The following ZNF609 variants were observed in gnomAD, a reference collection of about 807,000 sequenced individuals.
ZNF609 encodes zinc finger protein 609.
A neutral mutation model predicts 109.5 loss-of-function variants in ZNF609; 11 were observed. The observed-to-expected ratio is 0.10, with a 90% CI of 0.06 to 0.17. The LOEUF (loss-of-function observed/expected upper bound fraction) is 0.17. Among genes scored for constraint, ZNF609 ranks in the 10% least tolerant of loss-of-function variants. The pLI is 1.00. For missense variants in ZNF609, 1,559 were observed against 1,772.4 expected (o/e 0.88, Z 2.16); for synonymous variants, 646 against 662.0 (o/e 0.98, Z 0.37).
At chr15:64,535,215 A>G (rs534297624) in intron 2 of ZNF609, among the ~76,000 whole-genome samples, 12 of 152,150 alleles carry the variant, frequency 7.9e-5, no homozygotes, top group Non-Finnish European at 1.5e-4. Flanking sequence ...CCCCTGATTA[A>G]TTTTTAAAAT....
chr15:64,547,993 T>C (rs1894396396), intron 2 of ZNF609, among the ~76,000 whole-genome samples: 1 of 152,158 alleles, frequency 6.6e-6, no homozygotes, highest in Non-Finnish European at 1.5e-5. Context: ...TACTAATTCA[T>C]AATTAATTAT....
intron 4 of ZNF609, among the ~76,000 whole-genome samples, chr15:64,672,478 A>T (rs552935785): frequency 2.9e-4 from 44 of 149,998 alleles, no homozygotes; most frequent in African/African-American, 1.0e-3. Flanking sequence ...TACAAAAATT[A>T]GCTGGGCATG....
intron 2 of ZNF609, among the ~76,000 whole-genome samples, chr15:64,545,470 A>C (rs1894342751): frequency 6.6e-6 from 1 of 152,174 alleles, no homozygotes; most frequent in Non-Finnish European, 1.5e-5. Flanking sequence ...AAGTGCTGGG[A>C]TTACGGGCAT....
chr15:64,664,917 G>A (rs1312268001), intron 3 of ZNF609, among the ~76,000 whole-genome samples: 1 of 152,180 alleles, frequency 6.6e-6, no homozygotes, highest in Non-Finnish European at 1.5e-5. Context: ...TTCTAGTTGT[G>A]TGCCTGCTCT....
intron 2 of ZNF609, among the ~76,000 whole-genome samples, chr15:64,514,664 G>A (rs533069266): frequency 6.7e-6 from 1 of 150,010 alleles, no homozygotes; most frequent in African/African-American, 2.5e-5. Context: ...TTGAGACGGA[G>A]TCTCACTCTG....
At chr15:64,532,889 T>C (rs1936926976) in intron 2 of ZNF609, among the ~76,000 whole-genome samples, 1 of 152,156 alleles carries the variant, frequency 6.6e-6, no homozygotes, top group African/African-American at 2.4e-5. Context: ...AATCCACATT[T>C]AATCTCCTTA....
At chr15:64,673,101 A>C (rs1189322192) in intron 4 of ZNF609, among the ~76,000 whole-genome samples, 2 of 152,230 alleles carry the variant, frequency 1.3e-5, no homozygotes, top group East Asian at 3.8e-4. Context: ...CCAGAGAGAT[A>C]GGAGCTGAGT....
chr15:64,600,084 A>G (rs1895468328), intron 2 of ZNF609, among the ~76,000 whole-genome samples: 1 of 152,106 alleles, frequency 6.6e-6, no homozygotes, highest in South Asian at 2.1e-4. Flanking sequence ...ACAGTTTGGG[A>G]GGCCAAGGTG....
chr15:64,600,561 G>A (rs899776114), intron 2 of ZNF609, among the ~76,000 whole-genome samples: 13 of 150,560 alleles, frequency 8.6e-5, no homozygotes, highest in Admixed American at 2.7e-4. Context: ...ACTTAAACCC[G>A]GGAGGCAGAG....
At position 64,680,026 on chromosome 15, in the gene ZNF609, T is replaced by G. The variant is rs142184204; in HGVS notation, c.3770-159T>G. The stretch of plus-strand genomic sequence containing the variant: ...AGCTAATTTTTCCTGTAGAGCTCAG[T>G]AAAGAAAGGTCAAGCCAACAGTCTC... On this transcript the variant is annotated intron_variant, in intron 6 of 9. Coordinates refer to ENST00000326648, the MANE Select transcript of ZNF609 (RefSeq NM_015042.2). Among the ~76,000 whole-genome samples the G allele has an allele frequency of 4.9e-3, 742 of 152,254 alleles. 1 individual carries two copies. Among genetic ancestry groups the G allele is most frequent in the Middle Eastern group, 0.031 (9 of 294 alleles).
At chr15:64,515,114 G>A (rs754522152) in intron 2 of ZNF609, among the ~76,000 whole-genome samples, 5 of 152,090 alleles carry the variant, frequency 3.3e-5, no homozygotes, top group Non-Finnish European at 7.4e-5. Context: ...AAAAGCAGTC[G>A]TTTTCATATG....
At chr15:64,551,392 A>G (rs2140392793) in intron 2 of ZNF609, among the ~76,000 whole-genome samples, 1 of 152,288 alleles carries the variant, frequency 6.6e-6, no homozygotes, top group East Asian at 1.9e-4. Context: ...GCGGTGGCTC[A>G]CGCCTGTAAT....
At chr15:64,483,481 G>T (rs1203810286) in intron 1 of ZNF609, among the ~76,000 whole-genome samples, 1 of 152,064 alleles carries the variant, frequency 6.6e-6, no homozygotes, top group East Asian at 1.9e-4. Context: ...CGACCTCCTG[G>T]GCTCCAGTTA....
intron 2 of ZNF609, among the ~76,000 whole-genome samples, chr15:64,608,327 A>T (rs627101): frequency 6.4e-4 from 97 of 152,076 alleles, no homozygotes; most frequent in African/African-American, 2.3e-3. Flanking sequence ...GTAATACAGT[A>T]CTCTCATGTA....
At chr15:64,595,450 C>G (rs1396820900) in intron 2 of ZNF609, among the ~76,000 whole-genome samples, 1 of 151,458 alleles carries the variant, frequency 6.6e-6, no homozygotes, top group Admixed American at 6.6e-5. Flanking sequence ...CCAGAGAAAA[C>G]ACCAAGAGAG....
chr15:64,484,536 C>T (rs969580520), intron 1 of ZNF609, among the ~76,000 whole-genome samples: 3 of 151,340 alleles, frequency 2.0e-5, no homozygotes, highest in Non-Finnish European at 4.4e-5. Context: ...ATTAGCTGGG[C>T]GTGGTGGCGC....
intron 2 of ZNF609, chr15:64,528,785 G>T: frequency 2.4e-6 from 2 of 838,016 alleles, no homozygotes; most frequent in Non-Finnish European, 4.1e-6. Context: ...GGCTGCCCCA[G>T]CATCGAAGGT....
chr15:64,549,429 G>A (rs1413117446), intron 2 of ZNF609, among the ~76,000 whole-genome samples: 1 of 152,128 alleles, frequency 6.6e-6, no homozygotes, highest in African/African-American at 2.4e-5. Context: ...ACCCACCAAG[G>A]CCTCCCAAAG....
At chr15:64,539,007 G>A (rs1167858507) in intron 2 of ZNF609, among the ~76,000 whole-genome samples, 2 of 151,238 alleles carry the variant, frequency 1.3e-5, no homozygotes, top group Admixed American at 6.6e-5. Flanking sequence ...ACTGGTTTTT[G>A]TACATTTTTC....
Sources: gnomAD v4.1 joint callset for allele counts (sites outside exome capture counted in the v4.1 genomes callset) on GRCh38, gnomAD v4.1.1 for gene constraint, MANE v1.5 for transcripts, NCBI Gene and HGNC (gene_info 2026-07-23, HGNC 2026-07-21) for gene names.